Variants in DNAI7 observed in about 807,000 individuals in gnomAD.
DNAI7 encodes dynein axonemal intermediate chain 7.
A neutral mutation model predicts 86.6 loss-of-function variants in DNAI7; 78 were observed. The ratio of observed to expected loss-of-function variants is 0.90; its 90% CI spans 0.75 to 1.09. DNAI7 has a LOEUF of 1.09. Ranked by LOEUF, DNAI7 falls within the 50% of genes least tolerant of loss-of-function variation. The pLI is 0.00. For synonymous variants in DNAI7, 274 were observed against 273.0 expected (o/e 1.00, Z -0.04); for missense variants, 753 against 810.2 (o/e 0.93, Z 0.86).
intron 9 of DNAI7, among the ~76,000 whole-genome samples, chr12:25,132,207 T>C (rs538962599): frequency 1.3e-5 from 2 of 152,152 alleles, no homozygotes; most frequent in Admixed American, 1.3e-4. Flanking sequence ...TTATTGAAAA[T>C]TCAAATAACA....
intron 2 of DNAI7, among the ~76,000 whole-genome samples, chr12:25,184,233 C>T (rs1242044452): frequency 6.6e-6 from 1 of 152,180 alleles, no homozygotes; most frequent in Non-Finnish European, 1.5e-5. Context: ...GAACATTTTT[C>T]ATCACCCCGA....
intron 2 of DNAI7, among the ~76,000 whole-genome samples, chr12:25,164,821 G>A (rs564824142): frequency 1.3e-5 from 2 of 151,868 alleles, no homozygotes; most frequent in East Asian, 1.9e-4. Flanking sequence ...TCACCAGGCC[G>A]AGCTAGGTCA....
chr12:25,131,025 T>C (rs1942844289), intron 9 of DNAI7, among the ~76,000 whole-genome samples: 1 of 152,182 alleles, frequency 6.6e-6, no homozygotes, highest in Non-Finnish European at 1.5e-5. Context: ...AACTCATATG[T>C]TCTGGGCCAT....
At chr12:25,174,444 TGG>T (rs1256353657) in intron 2 of DNAI7, among the ~76,000 whole-genome samples, 1 of 111,692 alleles carries the variant, frequency 9.0e-6, no homozygotes, top group Non-Finnish European at 1.8e-5. Context: ...ATCATATATA[TGG>T]GATATATATA....
chr12:25,121,765 C>A lies in DNAI7; in HGVS notation c.1227G>T (p.Trp409Cys). The A allele has an allele frequency of 6.3e-7, 1 of 1,598,404 alleles. No homozygotes were observed. The highest frequency in any genetic ancestry group is 2.3e-5 in the East Asian group (1 of 44,330). The part of the protein sequence containing the change: ...LPPQCKPVKG[W>C]MIVEILKEGL... ...AGAATCAACCTACTTCCACAATCATCCATCCCTTCACTGGTTTACACTGTG... is the reference window on the plus strand; with the variant it reads ...AGAATCAACCTACTTCCACAATCATACATCCCTTCACTGGTTTACACTGTG... The change falls in exon 11 of 16, where the codon TGG (tryptophan) becomes TGT (cysteine). Residue 409 changes from tryptophan to cysteine, a missense_variant. Transcript: ENST00000395987.
At chr12:25,138,534 A>G (rs1043524689) in intron 9 of DNAI7, among the ~76,000 whole-genome samples, 1 of 152,212 alleles carries the variant, frequency 6.6e-6, no homozygotes, top group Non-Finnish European at 1.5e-5. Flanking sequence ...ATAAAATTGG[A>G]AATCAACTTT....
chr12:25,108,296 T>C lies in DNAI7; in HGVS notation c.*252A>G. 1.8e-6 allele frequency: 1 copy of C among 548,772 alleles called. No homozygotes were observed. Among genetic ancestry groups the C allele is most frequent in the Non-Finnish European group, 3.1e-6 (1 of 322,392 alleles). The allele number at this position is 548,772 out of a possible 1,614,324, so 34.0% of individuals were successfully genotyped here. On this transcript the variant is annotated 3_prime_UTR_variant, in exon 16 of 16. Coordinates refer to ENST00000395987, the MANE Select transcript of DNAI7 (RefSeq NM_018272.5). ...TAAGGAAGAAATATTATATATTGTT[T>C]GTTAAAGTTTATTGAAATAAAGAAT...
intron 9 of DNAI7, among the ~76,000 whole-genome samples, chr12:25,142,156 C>A (rs1213781019): frequency 6.6e-6 from 1 of 152,172 alleles, no homozygotes. Context: ...CCATGGAATA[C>A]CACTCAGCCA....
At chr12:25,141,565 T>A (rs1944184682) in intron 9 of DNAI7, among the ~76,000 whole-genome samples, 1 of 152,218 alleles carries the variant, frequency 6.6e-6, no homozygotes, top group African/African-American at 2.4e-5. Flanking sequence ...GTGCAGTGGC[T>A]CATGCCTGTT....
At chr12:25,175,283 A>AT (rs1224087517) in intron 2 of DNAI7, among the ~76,000 whole-genome samples, 1 of 152,112 alleles carries the variant, frequency 6.6e-6, no homozygotes, top group African/African-American at 2.4e-5. Context: ...GAAGAGAAAA[A>AT]TCTTTACACA....
At chr12:25,121,618 T>A (rs893580230) in intron 11 of DNAI7, 135 bp downstream of exon 11, 2 of 663,286 alleles carry the variant, frequency 3.0e-6, no homozygotes, top group Admixed American at 3.8e-5. Flanking sequence ...CCAATACATT[T>A]AAGACAGTTT....
chr12:25,194,460 T>C (rs1950850026), intron 1 of DNAI7, among the ~76,000 whole-genome samples: 1 of 152,214 alleles, frequency 6.6e-6, no homozygotes, highest in African/African-American at 2.4e-5. Context: ...GTTTTAATTA[T>C]AGAAAATGTC....
At chr12:25,147,476 A>AC (rs139493103) in intron 7 of DNAI7, among the ~76,000 whole-genome samples, 29 of 148,086 alleles carry the variant, frequency 2.0e-4, no homozygotes, top group South Asian at 4.4e-4. Context: ...ACATAATGAG[A>AC]CCACCCCCAT....
chr12:25,131,182 A>G (rs1942876787), intron 9 of DNAI7, among the ~76,000 whole-genome samples: 1 of 150,076 alleles, frequency 6.7e-6, no homozygotes, highest in African/African-American at 2.4e-5. Flanking sequence ...AAAAAGCTGG[A>G]AAAATAGAGA....
At chr12:25,131,130 AC>A (rs1365595167) in intron 9 of DNAI7, among the ~76,000 whole-genome samples, 5 of 149,068 alleles carry the variant, frequency 3.4e-5, no homozygotes, top group Non-Finnish European at 7.4e-5. Context: ...AAATATGCCA[AC>A]CTAAAATTGT....
chr12:25,127,250 C>T (rs572700227), intron 9 of DNAI7, among the ~76,000 whole-genome samples: 5 of 152,244 alleles, frequency 3.3e-5, no homozygotes, highest in Non-Finnish European at 7.4e-5. Flanking sequence ...CTTCAAATCT[C>T]ATTTGCTGAC....
intron 1 of DNAI7, among the ~76,000 whole-genome samples, chr12:25,191,605 G>A (rs1312669466): frequency 6.6e-6 from 1 of 152,184 alleles, no homozygotes; most frequent in Non-Finnish European, 1.5e-5. Context: ...TTGGGAGGCT[G>A]AGGCAGGAGA....
chr12:25,186,223 T>TA (rs1950024664), intron 2 of DNAI7, among the ~76,000 whole-genome samples: 1 of 152,206 alleles, frequency 6.6e-6, no homozygotes, highest in Non-Finnish European at 1.5e-5. Context: ...TCTATAGTCT[T>TA]ACGCAATTTT....
intron 2 of DNAI7, among the ~76,000 whole-genome samples, chr12:25,175,267 T>C (rs1948828928): frequency 2.6e-5 from 4 of 152,150 alleles, no homozygotes; most frequent in Non-Finnish European, 5.9e-5. Context: ...AAAATAGAAG[T>C]TTTCAGAAGA....
Sources: gnomAD v4.1 joint callset for allele counts (sites outside exome capture counted in the v4.1 genomes callset) on GRCh38, gnomAD v4.1.1 for gene constraint, MANE v1.5 for transcripts, NCBI Gene and HGNC (gene_info 2026-07-23, HGNC 2026-07-21) for gene names.